The following RNF25 variants were observed in gnomAD, a reference collection of about 807,000 sequenced individuals.
RNF25 encodes E3 ubiquitin-protein ligase RNF25.
In RNF25, 32 loss-of-function variants were observed where a neutral mutation model predicts 65.0. That is an observed-to-expected ratio of 0.49 (90% CI 0.37 to 0.66). The LOEUF is 0.66. RNF25 is among the 30% of genes least tolerant of loss of function. RNF25 has a pLI of 0.00. For synonymous variants in RNF25, 207 were observed against 221.2 expected (o/e 0.94, Z 0.57); for missense variants, 493 against 584.8 (o/e 0.84, Z 1.62).
chr2:218,668,797 T>C (rs934387772), intron 1 of RNF25, 118 bp from the exon 2 acceptor site: 1 of 715,222 alleles, frequency 1.4e-6, no homozygotes, highest in African/African-American at 1.8e-5. Context: ...ATTCTCCTGC[T>C]AAACTCCTTA....
intron 1 of RNF25, among the ~76,000 whole-genome samples, chr2:218,670,787 T>C (rs1575116006): frequency 6.6e-6 from 1 of 151,202 alleles, no homozygotes; most frequent in African/African-American, 2.4e-5. Flanking sequence ...CAGACAGATA[T>C]GGATTTCTAT....
At chr2:218,666,713 A>T (rs1301645725) in intron 5 of RNF25, among the ~76,000 whole-genome samples, 1 of 152,186 alleles carries the variant, frequency 6.6e-6, no homozygotes, top group East Asian at 1.9e-4. Context: ...ATGCATTTGA[A>T]TTGTTATTTG....
rs1161729345 is a variant in RNF25, at chr2:218,665,263, A to G, written c.574-16T>C. 1 of 1,610,400 alleles carries G rather than the reference A, an allele frequency of 6.2e-7. No homozygotes were observed. The highest frequency in any genetic ancestry group is 1.1e-5 in the South Asian group (1 of 90,882). ...CGACTGCCTTCTAAAAAAGAGAAAA[A>G]TCATATGCCTGTGTCACAGCCCAGG... is the stretch of plus-strand genomic sequence containing the variant. On this transcript the variant is annotated splice_polypyrimidine_tract_variant and intron_variant, in intron 7 of 9. Transcript: ENST00000295704.
rs776071433 is a variant in RNF25 at position 218,666,003 on chromosome 2, A to G, written c.486T>C (p.Leu162=). The G allele has an allele frequency of 3.1e-6, 5 of 1,614,144 alleles. No homozygotes were observed. The South Asian group carries it at 4.4e-5, about 14-fold the overall frequency. Residue 162 remains leucine (L), a synonymous_variant, in exon 7 of 10, where the codon CTT becomes CTC. Transcript: ENST00000295704. ...PCYHYFHCHC[L]ARYIQHMEQE... is the part of the protein sequence containing the mutation. ...GCTCCATGTGCTGGATGTACCGAGCAAGGCAGTGGCAGTGGAAGTAGTGGT... is the reference window on the plus strand; with the variant it reads ...GCTCCATGTGCTGGATGTACCGAGCGAGGCAGTGGCAGTGGAAGTAGTGGT...
chr2:218,671,691 A>T (rs1939978707), intron 1 of RNF25, among the ~76,000 whole-genome samples: 2 of 152,086 alleles, frequency 1.3e-5, no homozygotes, highest in African/African-American at 4.8e-5. Flanking sequence ...AAGGGATCGA[A>T]CCGGATGCGG....
At position 218,665,947 on chromosome 2, in the gene RNF25, T is replaced by C. The variant is rs1468999321; in HGVS notation, c.542A>G (p.Glu181Gly). 1.9e-6 allele frequency: 3 copies of C among 1,614,114 alleles called. No homozygotes were observed. Among genetic ancestry groups the C allele is most frequent in the Non-Finnish European group, 2.5e-6 (3 of 1,180,006 alleles). ...QELKAQGQEQ[E>G]QERQHATTKQ... is the part of the protein sequence containing the mutation. ...GGTTGTAGCATGCTGCCGTTCCTGTTCCTGCTCCTGTCCTTGTGCCTTCAG... is the reference window on the plus strand; with the variant it reads ...GGTTGTAGCATGCTGCCGTTCCTGTCCCTGCTCCTGTCCTTGTGCCTTCAG... Residue 181 changes from glutamate to glycine, a missense_variant, in exon 7 of 10, where the codon GAA (glutamate) becomes GGA (glycine). Glu to Gly is a moderately conservative substitution (Grantham distance 98, BLOSUM62 -2). Coordinates refer to ENST00000295704, the MANE Select transcript of RNF25 (RefSeq NM_022453.3).
At chr2:218,666,649 T>C (rs1162561709) in intron 5 of RNF25, among the ~76,000 whole-genome samples, 1 of 152,212 alleles carries the variant, frequency 6.6e-6, no homozygotes, top group Non-Finnish European at 1.5e-5. Context: ...TGACAAGGCA[T>C]GGACAACCCA....
In RNF25 at chr2:218,664,963, A is replaced by C. The variant is rs1939789269; in HGVS notation, c.667-90T>G. On this transcript the variant is annotated intron_variant, in intron 8 of 9. Transcript: ENST00000295704. This position sits in a 1 kb window ranked among gnomAD's most constrained non-coding sequence, Gnocchi z 5.1. ...TCCCAGGCTGCCTCAGGAGATCTGC[A>C]CTGGTTTTGCCCCTCAGGTCTGGGC... 2 of 1,558,604 alleles carry C rather than the reference A, an allele frequency of 1.3e-6. No individual in the cohort carries two copies. The highest frequency in any genetic ancestry group is 1.4e-5 in the African/African-American group (1 of 73,504).
At chr2:218,666,107 C>A in intron 6 of RNF25, 48 bp from the exon 7 acceptor site, 2 of 1,611,714 alleles carry the variant, frequency 1.2e-6, no homozygotes, top group Non-Finnish European at 1.7e-6. Context: ...TCTCTCACAG[C>A]CCTCATCTGC....
chr2:218,664,283 G>C lies in RNF25; in HGVS notation c.1054C>G (p.Arg352Gly). The change falls in exon 10 of 10, where the codon CGG becomes GGG. Residue 352 changes from arginine to glycine, a missense_variant. Arg to Gly is a moderately radical substitution (Grantham distance 125). Around this residue, in one of 3 missense-constraint regions of RNF25, gnomAD observed 351 missense variants for 400.2 expected, o/e 0.88. Transcript: ENST00000295704. This position sits in a 1 kb window ranked among gnomAD's most constrained non-coding sequence, Gnocchi z 5.1. Reference sequence around the variant, plus strand: ...CACTCCCCTCCCTTTGGGTGCCTCCGTTCGGGCTGTCGCCAGGGACCTCGA... The same window carrying C: ...CACTCCCCTCCCTTTGGGTGCCTCCCTTCGGGCTGTCGCCAGGGACCTCGA... ...PSRGPWRQPERRHPKGGECHA... is the reference protein window; with the variant it reads ...PSRGPWRQPEGRHPKGGECHA... 1.2e-6 allele frequency: 2 copies of C among 1,609,868 alleles called. No individual in the cohort carries two copies. Among genetic ancestry groups the C allele is most frequent in the Non-Finnish European group, 1.7e-6 (2 of 1,176,904 alleles).
chr2:218,664,027 C>T lies in RNF25; in HGVS notation c.1310G>A (p.Arg437Gln), dbSNP rs768699839. The T allele has an allele frequency of 6.1e-5, 91 of 1,493,034 alleles. No individual in the cohort carries two copies. The highest frequency in any genetic ancestry group is 1.6e-4 in the East Asian group (7 of 43,446). 92.5% of individuals were successfully genotyped at this position (1,493,034 alleles called of 1,614,324 possible). The change falls in exon 10 of 10, where the codon CGG becomes CAG. Residue 437 changes from arginine to glutamine, a missense_variant. Around this residue, in one of 3 missense-constraint regions of RNF25, gnomAD observed 351 missense variants for 400.2 expected, o/e 0.88. Transcript: ENST00000295704. This position sits in a 1 kb window ranked among gnomAD's most constrained non-coding sequence, Gnocchi z 5.1. ...TPGSSYPRLP[R>Q]GQGAYRPGTR... ...ACCAGGCCGGTATGCTCCCTGGCCC[C>T]GAGGCAGGCGAGGGTAGGAAGAACC...
At position 218,665,239 on chromosome 2, in the gene RNF25, G is replaced by C; in HGVS notation, c.582C>G (p.Val194=). 1 of 1,612,960 alleles carries C rather than the reference G, an allele frequency of 6.2e-7. No homozygotes were observed. Among genetic ancestry groups the C allele is most frequent in the Non-Finnish European group, 8.5e-7 (1 of 1,179,474 alleles). Reference sequence around the variant, plus strand: ...CTCTGCACACTGGACACTGCACACCGACTGCCTTCTAAAAAAGAGAAAAAT... The same window carrying C: ...CTCTGCACACTGGACACTGCACACCCACTGCCTTCTAAAAAAGAGAAAAAT... ...RQHATTKQKA[V]GVQCPVCREP... The change falls in exon 8 of 10, where the codon GTC becomes GTG. Residue 194 remains valine, a synonymous_variant. Transcript: ENST00000295704.
At position 218,664,377 on chromosome 2, in the gene RNF25, T is replaced by C. The variant is rs781030557; in HGVS notation, c.960A>G (p.Pro320=). The C allele has an allele frequency of 6.2e-7, 1 of 1,614,188 alleles. No homozygotes were observed. Among genetic ancestry groups the C allele is most frequent in the Non-Finnish European group, 8.5e-7 (1 of 1,180,042 alleles). Reference sequence around the variant, plus strand: ...ACCTTTGCTGATTTGACCTGGTCCCTGGAATCTTCTCACATATGTGCTGGG... The same window carrying C: ...ACCTTTGCTGATTTGACCTGGTCCCCGGAATCTTCTCACATATGTGCTGGG... ...VATQHICEKI[P]GTRSNQQRLG... Residue 320 remains proline, a synonymous_variant, in exon 10 of 10, where the codon CCA becomes CCG. Coordinates refer to ENST00000295704, the MANE Select transcript of RNF25 (RefSeq NM_022453.3). This position sits in a 1 kb window ranked among gnomAD's most constrained non-coding sequence, Gnocchi z 5.1.
intron 1 of RNF25, among the ~76,000 whole-genome samples, chr2:218,669,819 A>G (rs914619151): frequency 2.0e-5 from 3 of 152,224 alleles, no homozygotes; most frequent in Non-Finnish European, 4.4e-5. Context: ...CACCTCACAG[A>G]TAACAGTGTA....
chr2:218,664,109 G>C lies in RNF25; in HGVS notation c.1228C>G (p.Pro410Ala), dbSNP rs760314643. 1 of 1,522,984 alleles carries C rather than the reference G, an allele frequency of 6.6e-7. No individual in the cohort carries two copies. Among genetic ancestry groups the C allele is most frequent in the Admixed American group, 2.3e-5 (1 of 44,384 alleles). The allele number at this position is 1,522,984 out of a possible 1,614,324, so 94.3% of individuals were successfully genotyped here. A position where few individuals can be genotyped will look rare whatever the true frequency, so the allele number is the denominator to read the frequency against. ...EKGPGSWQGP[P>A]PRRTRDCVRW... ...ACACAGTCCCGAGTCCTGCGGGGTG[G>C]GGGCCCCTGCCAGCTGCCAGGCCCC... The change falls in exon 10 of 10, where the codon CCA becomes GCA. Residue 410 changes from proline (P) to alanine (A), a missense_variant. By Grantham distance (27) the Pro-to-Ala change is conservative (BLOSUM62 -1). Coordinates refer to ENST00000295704, the MANE Select transcript of RNF25 (RefSeq NM_022453.3). This position sits in a 1 kb window ranked among gnomAD's most constrained non-coding sequence, Gnocchi z 5.1.
intron 1 of RNF25, among the ~76,000 whole-genome samples, chr2:218,670,695 CA>C (rs34923737): frequency 0.17 from 5,466 of 32,238 alleles, 69 homozygotes; most frequent in African/African-American, 0.28. Context: ...GACTCCGTCT[CA>C]AAAAAAAAAA....
chr2:218,667,271 T>C (rs1370356561), intron 5 of RNF25, among the ~76,000 whole-genome samples: 3 of 152,036 alleles, frequency 2.0e-5, no homozygotes, highest in African/African-American at 7.2e-5. Flanking sequence ...TTTCTGTGTA[T>C]ATTGGAGCTT....
At chr2:218,668,450 T>C in intron 2 of RNF25, 109 bp from the exon 3 acceptor site, 1 of 995,762 alleles carries the variant, frequency 1.0e-6, no homozygotes, top group Non-Finnish European at 1.6e-6. Flanking sequence ...CATTGGACTC[T>C]TTCTTTTGGG....
chr2:218,664,237 C>T lies in RNF25; in HGVS notation c.1100G>A (p.Arg367His), dbSNP rs186960212. The T allele has an allele frequency of 7.8e-5, 125 of 1,600,370 alleles. No homozygotes were observed. The highest frequency in any genetic ancestry group is 4.7e-4 in the East Asian group (21 of 44,788). The change falls in exon 10 of 10, where the codon CGT becomes CAT. Residue 367 changes from arginine (R) to histidine (H), a missense_variant. Arg to His is a conservative substitution (Grantham distance 29, BLOSUM62 0). Around this residue, in one of 3 missense-constraint regions of RNF25, gnomAD observed 351 missense variants for 400.2 expected, o/e 0.88. Transcript: ENST00000295704. This position sits in a 1 kb window ranked among gnomAD's most constrained non-coding sequence, Gnocchi z 5.1. Reference protein sequence around the residue: ...GGECHAPKGTRDTQELPPPEG... With the variant: ...GGECHAPKGTHDTQELPPPEG... Reference sequence around the variant, plus strand: ...AGGAGGTGGCAGTTCCTGGGTGTCACGGGTACCTTTAGGGGCGTGGCACTC... The same window carrying T: ...AGGAGGTGGCAGTTCCTGGGTGTCATGGGTACCTTTAGGGGCGTGGCACTC...
Sources: gnomAD v4.1 joint callset for allele counts (sites outside exome capture counted in the v4.1 genomes callset) on GRCh38, gnomAD v4.1.1 for gene constraint, gnomAD v4.1.1 regional missense constraint, Gnocchi (gnomAD v3.1) non-coding constraint, MANE v1.5 for transcripts, NCBI Gene and HGNC (gene_info 2026-07-23, HGNC 2026-07-21) for gene names.